The following NKAIN2 variants were observed in gnomAD, a reference collection of about 807,000 sequenced individuals.
The protein encoded by NKAIN2 is sodium/potassium-transporting ATPase subunit beta-1-interacting protein 2.
A neutral mutation model predicts 32.6 loss-of-function variants in NKAIN2; 14 were observed. That is an observed-to-expected ratio of 0.43 (90% CI 0.28 to 0.67). The LOEUF (loss-of-function observed/expected upper bound fraction) is 0.67. Ranked by LOEUF, NKAIN2 falls within the 30% of genes least tolerant of loss-of-function variation. The probability of loss-of-function intolerance (pLI) is 0.17; values close to 1 mark genes in which losing one functional copy is unlikely to be tolerated. For missense variants in NKAIN2, 198 were observed against 258.3 expected (o/e 0.77, Z 1.60); for synonymous variants, 80 against 87.2 (o/e 0.92, Z 0.46).
chr6:123,898,924 C>T (rs1326237260), intron 1 of NKAIN2, among the ~76,000 whole-genome samples: 3 of 152,190 alleles, frequency 2.0e-5, no homozygotes, highest in South Asian at 4.1e-4. Flanking sequence ...CAACTGCCTT[C>T]ATAACCTCAG....
At chr6:124,786,244 A>G (rs929580476) in intron 4 of NKAIN2, among the ~76,000 whole-genome samples, 1 of 152,006 alleles carries the variant, frequency 6.6e-6, no homozygotes, top group Non-Finnish European at 1.5e-5. Context: ...TACTTTTTTG[A>G]GTACCAAAGG....
chr6:124,222,469 T>TA (rs2114700918), intron 1 of NKAIN2, among the ~76,000 whole-genome samples: 1 of 152,254 alleles, frequency 6.6e-6, no homozygotes, highest in East Asian at 1.9e-4. Flanking sequence ...GGATGCAATT[T>TA]AAAATAGAGT....
intron 1 of NKAIN2, among the ~76,000 whole-genome samples, chr6:124,278,873 G>C (rs1795163598): frequency 6.6e-6 from 1 of 151,438 alleles, no homozygotes; most frequent in Admixed American, 6.6e-5. Context: ...GGATGTTATA[G>C]CCAAAAACTG....
chr6:124,347,886 G>A (rs965593322), intron 2 of NKAIN2, among the ~76,000 whole-genome samples: 28 of 152,314 alleles, frequency 1.8e-4, no homozygotes, highest in African/African-American at 5.1e-4. Context: ...GAGGAACTGC[G>A]TTCCTTTGGA....
intron 2 of NKAIN2, among the ~76,000 whole-genome samples, chr6:124,318,736 A>G (rs1463566088): frequency 6.6e-6 from 1 of 151,306 alleles, no homozygotes; most frequent in Non-Finnish European, 1.5e-5. Context: ...CATAACACTA[A>G]GTACAGAAAC....
At chr6:123,875,618 T>C (rs978920484) in intron 1 of NKAIN2, among the ~76,000 whole-genome samples, 2 of 152,020 alleles carry the variant, frequency 1.3e-5, no homozygotes, top group African/African-American at 4.8e-5. Context: ...CAAAACGTTA[T>C]TGATATAGAG....
chr6:123,818,839 A>T (rs2114882313), intron 1 of NKAIN2, among the ~76,000 whole-genome samples: 1 of 152,318 alleles, frequency 6.6e-6, no homozygotes, highest in East Asian at 1.9e-4. Flanking sequence ...GAACCAGACA[A>T]AATAGCAGTA....
intron 1 of NKAIN2, among the ~76,000 whole-genome samples, chr6:124,124,948 G>T (rs1458370915): frequency 2.6e-5 from 4 of 152,066 alleles, no homozygotes; most frequent in Admixed American, 2.6e-4. Context: ...CAGGTCATAG[G>T]TAAATATGAA....
At chr6:124,507,627 C>T (rs902724379) in intron 3 of NKAIN2, among the ~76,000 whole-genome samples, 1 of 152,128 alleles carries the variant, frequency 6.6e-6, no homozygotes, top group Non-Finnish European at 1.5e-5. Flanking sequence ...GGCAGCTTTA[C>T]ACATGACTTT....
intron 3 of NKAIN2, among the ~76,000 whole-genome samples, chr6:124,360,914 A>G (rs945305433): frequency 7.9e-5 from 12 of 152,144 alleles, no homozygotes; most frequent in South Asian, 2.1e-4. Flanking sequence ...TTGGGCATCA[A>G]ATGTGACATG....
At chr6:124,327,468 A>G (rs1376830790) in intron 2 of NKAIN2, among the ~76,000 whole-genome samples, 1 of 152,038 alleles carries the variant, frequency 6.6e-6, no homozygotes, top group Non-Finnish European at 1.5e-5. Context: ...TTTCTTCCCA[A>G]CTTTTTAATT....
chr6:124,340,810 T>A (rs1244641084), intron 2 of NKAIN2, among the ~76,000 whole-genome samples: 1 of 152,218 alleles, frequency 6.6e-6, no homozygotes, highest in Non-Finnish European at 1.5e-5. Context: ...GACGCTTCAG[T>A]GGCATGCTCC....
intron 4 of NKAIN2, among the ~76,000 whole-genome samples, chr6:124,722,114 G>A (rs1776051469): frequency 6.6e-6 from 1 of 152,106 alleles, no homozygotes; most frequent in Non-Finnish European, 1.5e-5. Flanking sequence ...TTAGCAAAAT[G>A]TTTTCAAGGT....
chr6:124,021,468 AT>A (rs906936068), intron 1 of NKAIN2, among the ~76,000 whole-genome samples: 2 of 151,936 alleles, frequency 1.3e-5, no homozygotes, highest in Non-Finnish European at 2.9e-5. Context: ...AATTTGTGTA[AT>A]ATATTTACTG....
intron 4 of NKAIN2, among the ~76,000 whole-genome samples, chr6:124,746,624 T>C (rs1053629967): frequency 6.6e-6 from 1 of 151,914 alleles, no homozygotes. Context: ...TAAAACATCA[T>C]CAAGAATGTT....
At chr6:124,755,426 C>T (rs1041133365) in intron 4 of NKAIN2, among the ~76,000 whole-genome samples, 2 of 152,106 alleles carry the variant, frequency 1.3e-5, no homozygotes, top group Non-Finnish European at 2.9e-5. Flanking sequence ...CCCTCATAGA[C>T]ATACCCAGAA....
chr6:124,261,050 C>G (rs560124790), intron 1 of NKAIN2, among the ~76,000 whole-genome samples: 2 of 152,046 alleles, frequency 1.3e-5, no homozygotes, highest in East Asian at 3.9e-4. Flanking sequence ...GTGATATAAC[C>G]TGTAAATGTT....
At position 124,170,403 on chromosome 6, in the gene NKAIN2, C is replaced by A. The variant is rs572124205; in HGVS notation, c.55-112602C>A. ...ATGCCATTTCCATAGATATTTTTTT[C>A]TATTTACCCTAACCTGAATTTCTCT... is the stretch of plus-strand genomic sequence containing the variant. On this transcript the variant is annotated intron_variant, in intron 1 of 6. Coordinates refer to ENST00000368417, the MANE Select transcript of NKAIN2 (RefSeq NM_001040214.3). Among the ~76,000 whole-genome samples, 8 of 152,178 alleles carry A rather than the reference C, an allele frequency of 5.3e-5. No individual in the cohort carries two copies. In the South Asian group the frequency reaches 1.5e-3, roughly 28 times the overall value.
chr6:124,475,550 T>C (rs1397670421), intron 3 of NKAIN2, among the ~76,000 whole-genome samples: 1 of 152,186 alleles, frequency 6.6e-6, no homozygotes, highest in Admixed American at 6.5e-5. Flanking sequence ...TCAATGATTA[T>C]AGAAAAATTG....
Sources: allele counts gnomAD v4.1 joint callset (sites outside exome capture counted in the v4.1 genomes callset), GRCh38; gene constraint gnomAD v4.1.1; transcripts MANE v1.5; gene names NCBI Gene and HGNC (gene_info 2026-07-23, HGNC 2026-07-21).